The following DPP10 variants were observed in gnomAD, a reference collection of about 807,000 sequenced individuals.
DPP10 encodes the protein inactive dipeptidyl peptidase 10.
In DPP10, 33 loss-of-function variants were observed where a neutral mutation model predicts 120.9. That is an observed-to-expected ratio of 0.27 (90% CI 0.21 to 0.37). The LOEUF is 0.37. DPP10 is among the 10% of genes least tolerant of loss of function. The pLI, the probability that DPP10 is intolerant of heterozygous loss-of-function variation, is 1.00. For synonymous variants in DPP10, 337 were observed against 326.1 expected, an observed-to-expected ratio of 1.03 and a Z score of -0.36; for missense variants, 816 against 942.8, an observed-to-expected ratio of 0.87 and a Z score of 1.76.
chr2:115,269,504 A>T (rs1233869352), intron 1 of DPP10, among the ~76,000 whole-genome samples: 1 of 152,132 alleles, frequency 6.6e-6, no homozygotes, highest in Non-Finnish European at 1.5e-5. Context: ...TAAGACTAGG[A>T]GGCTTGACTA....
At chr2:115,605,784 G>C (rs149036471) in intron 5 of DPP10, among the ~76,000 whole-genome samples, 99 of 152,050 alleles carry the variant, frequency 6.5e-4, no homozygotes, top group Admixed American at 2.4e-3. Flanking sequence ...CATTTCTGGA[G>C]CACCTAGTAT....
intron 1 of DPP10, among the ~76,000 whole-genome samples, chr2:115,103,994 T>C (rs905143957): frequency 1.3e-5 from 2 of 152,182 alleles, no homozygotes; most frequent in African/African-American, 4.8e-5. Context: ...CTGTTTCATA[T>C]ACACCTTAAC....
intron 2 of DPP10, among the ~76,000 whole-genome samples, chr2:115,327,645 T>C (rs1024977460): frequency 5.3e-5 from 8 of 152,032 alleles, no homozygotes; most frequent in African/African-American, 1.9e-4. Context: ...AGAAACAATG[T>C]GGTGAGTTTA....
chr2:114,867,008 A>G (rs957640235), intron 1 of DPP10, among the ~76,000 whole-genome samples: 1 of 152,226 alleles, frequency 6.6e-6, no homozygotes, highest in Non-Finnish European at 1.5e-5. Context: ...ACATATAGCC[A>G]TCGTTCATTT....
At chr2:114,983,961 T>A (rs1402259023) in intron 1 of DPP10, among the ~76,000 whole-genome samples, 2 of 152,164 alleles carry the variant, frequency 1.3e-5, no homozygotes, top group African/African-American at 4.8e-5. Context: ...TAACCACTCT[T>A]ACACCGCCTC....
intron 1 of DPP10, among the ~76,000 whole-genome samples, chr2:114,455,412 T>G (rs1432737823): frequency 6.6e-6 from 1 of 151,766 alleles, no homozygotes; most frequent in Non-Finnish European, 1.5e-5. Context: ...AGGCGTGGTG[T>G]CTCACGCCTG....
At chr2:114,904,783 T>C (rs1317081275) in intron 1 of DPP10, among the ~76,000 whole-genome samples, 1 of 152,154 alleles carries the variant, frequency 6.6e-6, no homozygotes, top group East Asian at 1.9e-4. Context: ...ATGTATTCTA[T>C]CCTTTAAAAA....
At chr2:115,277,100 CTT>C (rs1486426573) in intron 1 of DPP10, among the ~76,000 whole-genome samples, 1 of 152,060 alleles carries the variant, frequency 6.6e-6, no homozygotes, top group African/African-American at 2.4e-5. Flanking sequence ...ATACTTATAA[CTT>C]AGATATTAAG....
chr2:114,716,991 A>T (rs534799948), intron 1 of DPP10, among the ~76,000 whole-genome samples: 1 of 152,332 alleles, frequency 6.6e-6, no homozygotes, highest in South Asian at 2.1e-4. Context: ...CCACTTGAGG[A>T]GTGGAGAAGA....
chr2:115,775,613 G>C (rs1682005250), intron 13 of DPP10, among the ~76,000 whole-genome samples: 1 of 151,934 alleles, frequency 6.6e-6, no homozygotes. Context: ...AATATTCTAG[G>C]AGTACGCACT....
chr2:114,999,605 C>G lies in DPP10; in HGVS notation c.61-309634C>G, dbSNP rs542144948. ...CCTCCTGTCCTTTCTTATCTTGAGG[C>G]CTTTGTCGGTGCTAATTCCTCTACT... On this transcript the variant is annotated intron_variant, in intron 1 of 25. Coordinates refer to ENST00000410059, the MANE Select transcript of DPP10 (RefSeq NM_020868.6). Among the ~76,000 whole-genome samples, 28 of 152,234 alleles carry G rather than the reference C, an allele frequency of 1.8e-4. 1 individual carries two copies. In the South Asian group the frequency reaches 5.8e-3, roughly 32 times the overall value.
intron 1 of DPP10, among the ~76,000 whole-genome samples, chr2:115,265,372 A>G (rs1223927750): frequency 6.6e-6 from 1 of 151,672 alleles, no homozygotes; most frequent in African/African-American, 2.4e-5. Flanking sequence ...CTGTTTAATA[A>G]ACAGTTATTA....
chr2:115,373,196 A>G (rs1268846355), intron 3 of DPP10, among the ~76,000 whole-genome samples: 1 of 152,232 alleles, frequency 6.6e-6, no homozygotes, highest in Non-Finnish European at 1.5e-5. Context: ...TGTCTCTTAC[A>G]TGTCAAACAC....
At chr2:114,865,957 A>T (rs1690191234) in intron 1 of DPP10, among the ~76,000 whole-genome samples, 1 of 152,002 alleles carries the variant, frequency 6.6e-6, no homozygotes, top group Non-Finnish European at 1.5e-5. Flanking sequence ...TACTAAAAAT[A>T]CAAAATTAGC....
chr2:115,266,343 C>T (rs72839284), intron 1 of DPP10, among the ~76,000 whole-genome samples: 9,366 of 152,164 alleles, frequency 0.062, 383 homozygotes, highest in Non-Finnish European at 0.093. Context: ...AAGGGGAATT[C>T]GATATGCACC....
At chr2:115,008,036 C>A (rs1701982329) in intron 1 of DPP10, among the ~76,000 whole-genome samples, 1 of 149,770 alleles carries the variant, frequency 6.7e-6, no homozygotes, top group Non-Finnish European at 1.5e-5. Context: ...CCATCCCCAT[C>A]AAGCTACCAA....
intron 1 of DPP10, among the ~76,000 whole-genome samples, chr2:114,644,655 T>A (rs1695984366): frequency 6.6e-6 from 1 of 151,824 alleles, no homozygotes; most frequent in South Asian, 2.1e-4. Flanking sequence ...TTTCAGCCTT[T>A]AGAAAAGGCC....
intron 1 of DPP10, among the ~76,000 whole-genome samples, chr2:114,684,488 G>A (rs990646962): frequency 1.3e-5 from 2 of 151,994 alleles, no homozygotes; most frequent in African/African-American, 4.8e-5. Flanking sequence ...CCTTTGGGCT[G>A]GTTTTACAAT....
intron 5 of DPP10, among the ~76,000 whole-genome samples, chr2:115,644,802 A>C (rs2087098884): frequency 6.6e-6 from 1 of 152,080 alleles, no homozygotes; most frequent in Non-Finnish European, 1.5e-5. Flanking sequence ...AAATTTAAAA[A>C]GTTATTAATT....
Sources: allele counts gnomAD v4.1 joint callset (sites outside exome capture counted in the v4.1 genomes callset), GRCh38; gene constraint gnomAD v4.1.1; transcripts MANE v1.5; gene names NCBI Gene and HGNC (gene_info 2026-07-23, HGNC 2026-07-21).